The following CCDC73 variants were observed in gnomAD, a reference collection of about 807,000 sequenced individuals.
CCDC73 encodes the protein coiled-coil domain-containing protein 73.
Under a neutral mutation model 116.5 loss-of-function variants are expected in CCDC73, and 95 were observed. The ratio of observed to expected loss-of-function variants is 0.82; its 90% CI spans 0.69 to 0.97. CCDC73 has a LOEUF of 0.97. CCDC73 is among the 50% of genes least tolerant of loss of function. The probability of loss-of-function intolerance (pLI) is 0.00; values close to 1 mark genes in which losing one functional copy is unlikely to be tolerated. For missense variants in CCDC73, 1,066 were observed against 1,206.8 expected (o/e 0.88, Z 1.73); for synonymous variants, 398 against 401.3 (o/e 0.99, Z 0.10).
upstream of CCDC73, among the ~76,000 whole-genome samples, chr11:32,795,988 C>T (rs1565103873): frequency 6.6e-6 from 1 of 152,094 alleles, no homozygotes; most frequent in Non-Finnish European, 1.5e-5. Context: ...CCGCAGCCGG[C>T]CCCCCGCCCT....
intron 9 of CCDC73, among the ~76,000 whole-genome samples, chr11:32,661,477 T>C (rs1218905113): frequency 8.5e-6 from 1 of 117,076 alleles, no homozygotes; most frequent in African/African-American, 3.3e-5. Flanking sequence ...CAGGCTCTAG[T>C]GTGTGATGTT....
chr11:32,632,219 T>C (rs1344064809), intron 14 of CCDC73, among the ~76,000 whole-genome samples: 1 of 151,976 alleles, frequency 6.6e-6, no homozygotes, highest in Non-Finnish European at 1.5e-5. Context: ...TGGTGGAAGG[T>C]TTATTTTTGT....
intron 4 of CCDC73, 147 bp downstream of exon 4, chr11:32,702,726 G>A (rs1849824729): frequency 3.1e-6 from 2 of 651,352 alleles, no homozygotes; most frequent in South Asian, 3.7e-5. Context: ...GATTAAAAAT[G>A]ATTTTATTCA....
At chr11:32,650,718 C>T (rs927938070) in intron 12 of CCDC73, among the ~76,000 whole-genome samples, 8 of 151,844 alleles carry the variant, frequency 5.3e-5, no homozygotes, top group African/African-American at 1.7e-4. Flanking sequence ...ATTTGGGACA[C>T]GTAAGAGAAA....
At chr11:32,828,125 G>C in the CCDC73 span, among the ~76,000 whole-genome samples, 5 of 152,076 alleles carry the variant, frequency 3.3e-5, no homozygotes, top group Non-Finnish European at 7.4e-5. Context: ...AGAAAACTTA[G>C]GAATAATTCA....
intron 14 of CCDC73, among the ~76,000 whole-genome samples, chr11:32,634,453 T>C (rs1650925588): frequency 6.6e-6 from 1 of 152,184 alleles, no homozygotes; most frequent in Non-Finnish European, 1.5e-5. Context: ...TAATGTCCTT[T>C]CATGATAAAA....
intron 17 of CCDC73, among the ~76,000 whole-genome samples, chr11:32,610,336 C>G (rs1855409460): frequency 6.6e-6 from 1 of 152,136 alleles, no homozygotes; most frequent in Admixed American, 6.5e-5. Context: ...AGGATAGTTC[C>G]TGATTTTTGT....
At chr11:32,758,680 A>C (rs1038121511) in intron 2 of CCDC73, 3 of 230,806 alleles carry the variant, frequency 1.3e-5, no homozygotes, top group Admixed American at 4.7e-5. Context: ...CTAATCTGAA[A>C]TTTTTCAGAA....
intron 2 of CCDC73, among the ~76,000 whole-genome samples, chr11:32,745,094 G>A (rs1850223656): frequency 6.6e-6 from 1 of 152,084 alleles, no homozygotes; most frequent in Non-Finnish European, 1.5e-5. Context: ...AAAAGACTCT[G>A]GTACATTGCG....
intron 2 of CCDC73, among the ~76,000 whole-genome samples, chr11:32,750,653 A>G (rs156161): frequency 0.014 from 2,187 of 152,202 alleles, 48 homozygotes; most frequent in African/African-American, 0.05. Flanking sequence ...TTGACAGGGT[A>G]CCACTGATGT....
chr11:32,762,608 G>T (rs1850401741), intron 1 of CCDC73, among the ~76,000 whole-genome samples: 1 of 152,080 alleles, frequency 6.6e-6, no homozygotes, highest in African/African-American at 2.4e-5. Context: ...AAAAGAAAAG[G>T]GAGGGAGAGA....
At chr11:32,628,241 G>GT (rs1465804117) in intron 14 of CCDC73, among the ~76,000 whole-genome samples, 3 of 152,182 alleles carry the variant, frequency 2.0e-5, no homozygotes, top group African/African-American at 7.2e-5. Context: ...CAGGCTTACT[G>GT]CCTAGACACT....
the CCDC73 span, chr11:32,829,951 G>A: frequency 1.4e-3 from 1,413 of 985,604 alleles, 20 homozygotes; most frequent in African/African-American, 0.022. Flanking sequence ...TCCCCGGACC[G>A]AGGCAGGACC....
At chr11:32,755,723 A>G (rs1189860760) in intron 2 of CCDC73, among the ~76,000 whole-genome samples, 1 of 39,260 alleles carries the variant, frequency 2.5e-5, no homozygotes, top group African/African-American at 1.1e-4. Context: ...ATATATGTGT[A>G]TATATATATC....
chr11:32,733,511 A>G (rs1323158469), intron 2 of CCDC73, among the ~76,000 whole-genome samples: 2 of 152,202 alleles, frequency 1.3e-5, no homozygotes, highest in African/African-American at 4.8e-5. Flanking sequence ...TTGACCACAT[A>G]GTTGGAAGTT....
chr11:32,744,290 T>G (rs1024214316), intron 2 of CCDC73, among the ~76,000 whole-genome samples: 1 of 152,218 alleles, frequency 6.6e-6, no homozygotes, highest in Non-Finnish European at 1.5e-5. Context: ...CTTTTTGATG[T>G]GCTGCTGGAT....
At chr11:32,769,547 C>T (rs1030688529) in intron 1 of CCDC73, among the ~76,000 whole-genome samples, 3 of 152,108 alleles carry the variant, frequency 2.0e-5, no homozygotes, top group Admixed American at 6.6e-5. Flanking sequence ...ACATTCTATT[C>T]AACAAAGCAA....
Position 32,614,412 on chromosome 11 carries a change from T to A in CCDC73, c.1906A>T (p.Lys636Ter), listed in dbSNP as rs542010257. 7.8e-5 allele frequency: 126 copies of A among 1,613,546 alleles called. No homozygotes were observed. The East Asian group carries it at 2.3e-3, about 30-fold the overall frequency. ...KADLDSSLDI[K>*]KNPVPCQKYS... The stretch of plus-strand genomic sequence containing the variant: ...TTCTGACATGGAACAGGATTTTTTT[T>A]TATATCTAGAGACGAGTCCAAATCT... Residue 636 changes from lysine (K) to a stop codon, truncating the protein, a stop_gained, in exon 16 of 18, where the codon AAA becomes TAA. Coordinates refer to ENST00000335185, the MANE Select transcript of CCDC73 (RefSeq NM_001008391.4). LOFTEE classifies it high-confidence loss of function.
chr11:32,666,007 T>C (rs1855977411), intron 9 of CCDC73, among the ~76,000 whole-genome samples: 1 of 152,374 alleles, frequency 6.6e-6, no homozygotes, highest in African/African-American at 2.4e-5. Context: ...TTCTGGCTTG[T>C]AGTGTTTCTG....
Sources: gnomAD v4.1 joint callset for allele counts (sites outside exome capture counted in the v4.1 genomes callset) on GRCh38, gnomAD v4.1.1 for gene constraint, MANE v1.5 for transcripts, NCBI Gene and HGNC (gene_info 2026-07-23, HGNC 2026-07-21) for gene names.